The following KCNIP1 variants were observed in gnomAD, a reference collection of about 807,000 sequenced individuals.
KCNIP1 encodes the protein A-type potassium channel modulatory protein KCNIP1.
KCNIP1 carries 18 observed loss-of-function variants against 33.0 expected under a neutral mutation model. The observed-to-expected ratio is 0.55, with a 90% CI of 0.38 to 0.81. KCNIP1 has a LOEUF of 0.81. KCNIP1 is among the 30% of genes least tolerant of loss of function. KCNIP1 has a pLI of 0.00. For synonymous variants in KCNIP1, 93 were observed against 98.3 expected (o/e 0.95, Z 0.32); for missense variants, 238 against 271.6 (o/e 0.88, Z 0.87).
intron 1 of KCNIP1, among the ~76,000 whole-genome samples, chr5:170,552,555 A>T (rs1756687668): frequency 1.3e-5 from 2 of 152,122 alleles, no homozygotes; most frequent in South Asian, 4.1e-4. Context: ...GGGCTTCCAT[A>T]ACAGGTAGGG....
chr5:170,358,164 A>G (rs746396202), intron 1 of KCNIP1, among the ~76,000 whole-genome samples: 5 of 152,160 alleles, frequency 3.3e-5, no homozygotes, highest in Non-Finnish European at 7.4e-5. Context: ...TGCACTGGGA[A>G]CAAATGTTAC....
At chr5:170,729,444 A>G (rs1000034242) in intron 5 of KCNIP1, among the ~76,000 whole-genome samples, 6 of 152,090 alleles carry the variant, frequency 3.9e-5, no homozygotes, top group Admixed American at 6.5e-5. Flanking sequence ...TTGACACAAT[A>G]TCTAGCACAT....
At chr5:170,566,527 A>G (rs1757210244) in intron 1 of KCNIP1, among the ~76,000 whole-genome samples, 1 of 152,204 alleles carries the variant, frequency 6.6e-6, no homozygotes, top group Non-Finnish European at 1.5e-5. Flanking sequence ...GGCAGGATCT[A>G]TCCATTTTCA....
chr5:170,354,732 C>T (rs1238927553), intron 1 of KCNIP1, among the ~76,000 whole-genome samples: 1 of 152,222 alleles, frequency 6.6e-6, no homozygotes, highest in African/African-American at 2.4e-5. Flanking sequence ...AGGGCCCAGT[C>T]CTGTGTCTTA....
At chr5:170,547,544 G>C (rs1561680366) in intron 1 of KCNIP1, among the ~76,000 whole-genome samples, 1 of 151,964 alleles carries the variant, frequency 6.6e-6, no homozygotes, top group Non-Finnish European at 1.5e-5. Flanking sequence ...CCTCTGGTGG[G>C]CCCCAGTATG....
Position 170,544,062 on chromosome 5 carries a change from A to G in KCNIP1, c.61+39429A>G, listed in dbSNP as rs572058301. Among the ~76,000 whole-genome samples the G allele has an allele frequency of 1.1e-4, 17 of 152,298 alleles. No individual in the cohort carries two copies. In the East Asian group the frequency reaches 3.3e-3, roughly 29 times the overall value. On this transcript the variant is annotated intron_variant, in intron 1 of 7. Transcript: ENST00000328939. ...GTGTTATGAAGATTTTTACTTCTCT[A>G]TCAAACCTTGTAACCTCAGAGAATT...
chr5:170,596,310 C>T (rs1161606624), intron 1 of KCNIP1, among the ~76,000 whole-genome samples: 79 of 152,358 alleles, frequency 5.2e-4, no homozygotes, highest in Non-Finnish European at 2.9e-5. Flanking sequence ...ATAGTATCAA[C>T]TGTCAGGACA....
intron 1 of KCNIP1, among the ~76,000 whole-genome samples, chr5:170,633,339 C>A (rs1270702941): frequency 3.9e-5 from 6 of 151,922 alleles, no homozygotes; most frequent in Admixed American, 2.6e-4. Flanking sequence ...ATGAGCAGGG[C>A]AGCTAGTCAT....
chr5:170,694,650 A>G (rs891071415), intron 1 of KCNIP1, among the ~76,000 whole-genome samples: 7 of 152,238 alleles, frequency 4.6e-5, no homozygotes, highest in African/African-American at 1.4e-4. Flanking sequence ...GAGATTGGTT[A>G]TGAAATGCAC....
chr5:170,635,575 T>G (rs1332700070), intron 1 of KCNIP1, among the ~76,000 whole-genome samples: 1 of 152,230 alleles, frequency 6.6e-6, no homozygotes, highest in East Asian at 1.9e-4. Flanking sequence ...CTAGAGTTAG[T>G]ATAGCTTAGT....
At chr5:170,636,668 C>T (rs1760294628) in intron 1 of KCNIP1, among the ~76,000 whole-genome samples, 3 of 152,088 alleles carry the variant, frequency 2.0e-5, no homozygotes, top group Non-Finnish European at 4.4e-5. Context: ...ACAAATAGTT[C>T]CCCCAAGATC....
intron 1 of KCNIP1, among the ~76,000 whole-genome samples, chr5:170,623,221 T>TG (rs397810506): frequency 6.0e-5 from 9 of 149,504 alleles, no homozygotes; most frequent in Admixed American, 6.0e-4. Flanking sequence ...TTTTTTTTTT[T>TG]CTTTTTTTTG....
chr5:170,466,179 A>C lies in KCNIP1; in HGVS notation c.88+112215A>C, dbSNP rs186214366. Among the ~76,000 whole-genome samples, 512 of 152,236 alleles carry C rather than the reference A, an allele frequency of 3.4e-3. 4 individuals are homozygous for C. Among genetic ancestry groups the C allele is most frequent in the African/African-American group, 0.012 (480 of 41,542 alleles). On this transcript the variant is annotated intron_variant, in intron 1 of 7. Coordinates refer to the KCNIP1 transcript ENST00000377360. The stretch of plus-strand genomic sequence containing the variant: ...AATAGTGACAGATGATGCATGGGGT[A>C]GAGAGAGAGAAGGCAATGTCAAGAG...
At chr5:170,510,833 G>A (rs1442183312) in intron 1 of KCNIP1, among the ~76,000 whole-genome samples, 5 of 152,302 alleles carry the variant, frequency 3.3e-5, no homozygotes, top group East Asian at 3.9e-4. Context: ...TGAGCACCGC[G>A]TTAAAATAAG....
chr5:170,566,726 A>C (rs895744585), intron 1 of KCNIP1, among the ~76,000 whole-genome samples: 4 of 152,212 alleles, frequency 2.6e-5, no homozygotes, highest in African/African-American at 9.6e-5. Flanking sequence ...GAGGATGGAG[A>C]TTAAACAGGT....
intron 1 of KCNIP1, among the ~76,000 whole-genome samples, chr5:170,359,690 GT>G (rs1344603379): frequency 1.3e-5 from 2 of 152,162 alleles, no homozygotes; most frequent in Non-Finnish European, 2.9e-5. Flanking sequence ...AGGGGCATGT[GT>G]TCACCTTGGC....
intron 1 of KCNIP1, among the ~76,000 whole-genome samples, chr5:170,597,780 GATAAATATATATATAT>G: frequency 1.1e-5 from 1 of 90,016 alleles, no homozygotes; most frequent in South Asian, 4.4e-4. Context: ...TGGAGAGAGA[GATAAATATATATATAT>G]ATATATATAT....
chr5:170,503,944 GTGCA>G, upstream of KCNIP1: 4 of 202,068 alleles, frequency 2.0e-5, no homozygotes, highest in Non-Finnish European at 3.4e-5. Context: ...CGCCCCCACC[GTGCA>G]GCCCTCGCCC....
intron 1 of KCNIP1, among the ~76,000 whole-genome samples, chr5:170,394,348 C>T (rs1326399373): frequency 1.3e-5 from 2 of 152,212 alleles, no homozygotes; most frequent in Non-Finnish European, 2.9e-5. Flanking sequence ...TAACATGTCT[C>T]CTAACCCAAG....
Sources: gnomAD v4.1 joint callset for allele counts (sites outside exome capture counted in the v4.1 genomes callset) on GRCh38, gnomAD v4.1.1 for gene constraint, MANE v1.5 for transcripts, NCBI Gene and HGNC (gene_info 2026-07-23, HGNC 2026-07-21) for gene names.